Variants in JAKMIP3 observed in about 807,000 individuals in gnomAD.
JAKMIP3 encodes Janus kinase and microtubule interacting protein 3.
JAKMIP3 carries 58 observed loss-of-function variants against 118.5 expected under a neutral mutation model. That is an observed-to-expected ratio of 0.49 (90% CI 0.40 to 0.61). The LOEUF (loss-of-function observed/expected upper bound fraction) is 0.61. JAKMIP3 is among the 20% of genes least tolerant of loss of function. The pLI is 0.00. For synonymous variants in JAKMIP3, 486 were observed against 451.2 expected (o/e 1.08, Z -0.98); for missense variants, 950 against 1,109.0 (o/e 0.86, Z 2.04).
intron 1 of JAKMIP3, among the ~76,000 whole-genome samples, chr10:132,097,892 TCCCC>T (rs2044131904): frequency 5.6e-5 from 3 of 53,460 alleles, no homozygotes; most frequent in Non-Finnish European, 8.8e-5. Flanking sequence ...TTTCTTCCCT[TCCCC>T]TTCCCCTTCC....
rs2061666357 is a variant in JAKMIP3 at position 132,183,969 on chromosome 10, T to C, written c.*2716T>C. The C allele has an allele frequency of 6.6e-6, 1 of 152,232 alleles. No individual in the cohort carries two copies. Among genetic ancestry groups the C allele is most frequent in the African/African-American group, 2.4e-5 (1 of 41,454 alleles). 9.4% of individuals were successfully genotyped at this position (152,232 alleles called of 1,614,324 possible). On this transcript the variant is annotated 3_prime_UTR_variant, in exon 24 of 24. Transcript: ENST00000684848. ...CCAAGTACTTGGGCTGTCTTACTGC[T>C]AGCTCTTCTAACAGGGGAAGTCTGT... is the stretch of plus-strand genomic sequence containing the variant.
chr10:132,088,772 A>G (rs1200456016), intron 1 of JAKMIP3, among the ~76,000 whole-genome samples: 2 of 152,154 alleles, frequency 1.3e-5, no homozygotes, highest in East Asian at 3.9e-4. Context: ...TTAGACATGA[A>G]GTCCTTGCCC....
intron 13 of JAKMIP3, among the ~76,000 whole-genome samples, chr10:132,147,443 T>C (rs2054847151): frequency 6.6e-6 from 1 of 152,218 alleles, no homozygotes. Context: ...AGCTCCTTAA[T>C]TAGCCAAGTG....
chr10:132,092,576 G>A (rs1183415282), intron 1 of JAKMIP3, among the ~76,000 whole-genome samples: 1 of 152,178 alleles, frequency 6.6e-6, no homozygotes, highest in African/African-American at 2.4e-5. Flanking sequence ...TGAAGCTTGT[G>A]CATTTGTCAC....
chr10:132,126,558 T>C (rs1255424479), intron 3 of JAKMIP3, among the ~76,000 whole-genome samples: 1 of 100,278 alleles, frequency 1.0e-5, no homozygotes, highest in African/African-American at 3.8e-5. Context: ...CAAAGTACTG[T>C]GATTACAGGT....
At chr10:132,174,298 GA>G (rs1394200205) in intron 23 of JAKMIP3, among the ~76,000 whole-genome samples, 2 of 152,134 alleles carry the variant, frequency 1.3e-5, no homozygotes, top group Non-Finnish European at 2.9e-5. Context: ...CAGGTAAATA[GA>G]GTCACATAGT....
At chr10:132,115,775 GA>G (rs373210492) in intron 2 of JAKMIP3, among the ~76,000 whole-genome samples, 1,655 of 151,028 alleles carry the variant, frequency 0.011, 30 homozygotes, top group African/African-American at 0.038. Flanking sequence ...GTTAACTCGT[GA>G]AAAAAAAATG....
intron 1 of JAKMIP3, among the ~76,000 whole-genome samples, chr10:132,097,958 T>C (rs1564893005): frequency 6.2e-4 from 32 of 51,908 alleles, no homozygotes; most frequent in East Asian, 1.2e-3. Flanking sequence ...CCATCCCCTT[T>C]CCCTTTCCTT....
chr10:132,131,910 C>T (rs1482587736), intron 3 of JAKMIP3, among the ~76,000 whole-genome samples: 1 of 152,152 alleles, frequency 6.6e-6, no homozygotes, highest in Non-Finnish European at 1.5e-5. Flanking sequence ...ATGGGAAGCC[C>T]CCGAATCCTG....
rs768928174 is a variant in JAKMIP3, at chr10:132,167,067, G to T, written c.*22+12G>T. ...GGCACCCTGACGTGGTGAGTATTTC[G>T]TTGGCAGGGCCCAGCAGGGGTCCCG... On this transcript the variant is annotated intron_variant, in intron 22 of 23. Transcript: ENST00000684848. 1 of 1,535,886 alleles carries T rather than the reference G, an allele frequency of 6.5e-7. No homozygotes were observed. Among genetic ancestry groups the T allele is most frequent in the South Asian group, 1.2e-5 (1 of 83,678 alleles).
intron 3 of JAKMIP3, among the ~76,000 whole-genome samples, chr10:132,130,896 G>A (rs957191083): frequency 4.6e-5 from 7 of 152,048 alleles, no homozygotes; most frequent in African/African-American, 7.2e-5. Context: ...ATCTTGGGGG[G>A]CTCAGGGTTC....
At chr10:132,164,803 C>T (rs372705487) in intron 21 of JAKMIP3, 68 bp downstream of exon 21, 29 of 1,084,250 alleles carry the variant, frequency 2.7e-5, no homozygotes, top group Non-Finnish European at 3.7e-5. Context: ...GTCACCCCGA[C>T]CTGAGTCACT....
intron 1 of JAKMIP3, among the ~76,000 whole-genome samples, chr10:132,048,008 T>C (rs1230517438): frequency 6.6e-6 from 1 of 152,244 alleles, no homozygotes; most frequent in Non-Finnish European, 1.5e-5. Context: ...TTCTGAAGAC[T>C]TCTCGTCTGT....
At chr10:132,165,577 G>C (rs908069048) in intron 21 of JAKMIP3, among the ~76,000 whole-genome samples, 2 of 152,234 alleles carry the variant, frequency 1.3e-5, no homozygotes, top group African/African-American at 4.8e-5. Flanking sequence ...CTTCCGGAGA[G>C]AACAGGAGGC....
intron 14 of JAKMIP3, among the ~76,000 whole-genome samples, chr10:132,148,584 C>T (rs921529631): frequency 7.2e-5 from 11 of 152,212 alleles, no homozygotes; most frequent in African/African-American, 2.2e-4. Flanking sequence ...AGGCCTCCGC[C>T]GTCGGCAGAC....
At chr10:132,165,496 A>C (rs892295091) in intron 21 of JAKMIP3, among the ~76,000 whole-genome samples, 2 of 152,062 alleles carry the variant, frequency 1.3e-5, no homozygotes, top group African/African-American at 2.4e-5. Flanking sequence ...TATGCGGTGG[A>C]GCTCACTGAA....
chr10:132,085,054 C>T (rs913969066), intron 1 of JAKMIP3, among the ~76,000 whole-genome samples: 1 of 152,032 alleles, frequency 6.6e-6, no homozygotes, highest in Non-Finnish European at 1.5e-5. Context: ...ATGTCCTTTC[C>T]TTGTTTTGGT....
chr10:132,140,276 C>T (rs2053219066), intron 9 of JAKMIP3, among the ~76,000 whole-genome samples, 175 bp from the exon 10 acceptor site: 1 of 152,194 alleles, frequency 6.6e-6, no homozygotes, highest in African/African-American at 2.4e-5. Flanking sequence ...CCAGCCTTGC[C>T]ATAGAGCGCC....
chr10:132,046,667 T>C (rs2037928321), intron 1 of JAKMIP3, among the ~76,000 whole-genome samples: 1 of 152,150 alleles, frequency 6.6e-6, no homozygotes, highest in Admixed American at 6.6e-5. Flanking sequence ...ACTTTTAAGT[T>C]TTAAAATAAT....
Sources: gnomAD v4.1 joint callset for allele counts (sites outside exome capture counted in the v4.1 genomes callset) on GRCh38, gnomAD v4.1.1 for gene constraint, MANE v1.5 for transcripts, NCBI Gene and HGNC (gene_info 2026-07-23, HGNC 2026-07-21) for gene names.